Variants in ADAMTS19 observed in about 807,000 individuals in gnomAD.
ADAMTS19 encodes the protein ADAM metallopeptidase with thrombospondin type 1 motif 19.
In ADAMTS19, 93 loss-of-function variants were observed where a neutral mutation model predicts 153.3. That is an observed-to-expected ratio of 0.61 (90% CI 0.51 to 0.72). The LOEUF (loss-of-function observed/expected upper bound fraction) is 0.72. Among genes scored for constraint, ADAMTS19 ranks in the 30% least tolerant of loss-of-function variants. ADAMTS19 has a pLI of 0.00. For missense variants in ADAMTS19, 1,482 were observed against 1,552.1 expected (o/e 0.95, Z 0.76); for synonymous variants, 600 against 556.6 (o/e 1.08, Z -1.10).
rs569926298 is a variant in ADAMTS19 at position 129,535,369 on chromosome 5, T to G, written c.1328+6692T>G. Among the ~76,000 whole-genome samples, 694 of 152,250 alleles carry G rather than the reference T, an allele frequency of 4.6e-3. 7 individuals are homozygous for G. The highest frequency in any genetic ancestry group is 0.016 in the African/African-American group (647 of 41,544). On this transcript the variant is annotated intron_variant, in intron 6 of 22. Coordinates refer to ENST00000274487, the MANE Select transcript of ADAMTS19 (RefSeq NM_133638.6). ...CAACTTACAAGGGGTGTGAAGGACC[T>G]CTTCAAGGAGAACTACAAACCACTG... is the stretch of plus-strand genomic sequence containing the variant.
intron 2 of ADAMTS19, among the ~76,000 whole-genome samples, chr5:129,483,811 A>G (rs1750499357): frequency 6.6e-6 from 1 of 152,168 alleles, no homozygotes; most frequent in Non-Finnish European, 1.5e-5. Context: ...AAATAACAAT[A>G]ATTTCATAAT....
intron 18 of ADAMTS19, among the ~76,000 whole-genome samples, chr5:129,685,225 A>G (rs1407218650): frequency 6.6e-6 from 1 of 152,114 alleles, no homozygotes; most frequent in East Asian, 1.9e-4. Context: ...AAAAATATCC[A>G]TATATTCTTT....
At chr5:129,645,141 C>T (rs1211438220) in intron 11 of ADAMTS19, among the ~76,000 whole-genome samples, 1 of 152,020 alleles carries the variant, frequency 6.6e-6, no homozygotes, top group African/African-American at 2.4e-5. Flanking sequence ...ATGCACTGTC[C>T]CCAGGTGGTC....
intron 15 of ADAMTS19, among the ~76,000 whole-genome samples, chr5:129,659,181 A>G (rs1158462308): frequency 6.6e-6 from 1 of 152,040 alleles, no homozygotes; most frequent in Non-Finnish European, 1.5e-5. Context: ...ACGTTTTTGG[A>G]AACAGAGGGT....
chr5:129,633,249 G>C (rs767745912), intron 10 of ADAMTS19, among the ~76,000 whole-genome samples: 5 of 151,878 alleles, frequency 3.3e-5, no homozygotes, highest in Non-Finnish European at 7.4e-5. Context: ...TTTCTCTTGA[G>C]ATATCTTTTC....
At chr5:129,462,357 G>A (rs2112865850) in intron 2 of ADAMTS19, among the ~76,000 whole-genome samples, 1 of 152,288 alleles carries the variant, frequency 6.6e-6, no homozygotes, top group Admixed American at 6.5e-5. Context: ...GTTGAGTAAC[G>A]GGTGACATTA....
At chr5:129,535,819 C>T (rs1369189589) in intron 6 of ADAMTS19, among the ~76,000 whole-genome samples, 1 of 152,214 alleles carries the variant, frequency 6.6e-6, no homozygotes, top group African/African-American at 2.4e-5. Flanking sequence ...GGAAAGGATT[C>T]CCTATTTAAT....
rs113862040 is a variant in ADAMTS19, at chr5:129,629,094, G to T, written c.1770+6746G>T. On this transcript the variant is annotated intron_variant, in intron 10 of 22. Coordinates refer to ENST00000274487, the MANE Select transcript of ADAMTS19 (RefSeq NM_133638.6). ...ACAAAACAAATCTCCTATATGGTAAGCTCCTTAACATTAGCAGAGTTGTCA... is the reference window on the plus strand; with the variant it reads ...ACAAAACAAATCTCCTATATGGTAATCTCCTTAACATTAGCAGAGTTGTCA... 6.6e-5 allele frequency among the ~76,000 whole-genome samples: 10 copies of T among 152,162 alleles called. 1 individual carries two copies. The highest frequency in any genetic ancestry group is 2.4e-4 in the African/African-American group (10 of 41,546).
At chr5:129,463,324 T>C (rs1749750302) in intron 2 of ADAMTS19, among the ~76,000 whole-genome samples, 1 of 144,510 alleles carries the variant, frequency 6.9e-6, no homozygotes, top group Non-Finnish European at 1.5e-5. Flanking sequence ...AAAGTTAGAA[T>C]TATAAGTAGG....
chr5:129,654,177 A>G, intron 13 of ADAMTS19, 129 bp from the exon 14 acceptor site: 1 of 871,164 alleles, frequency 1.1e-6, no homozygotes, highest in Non-Finnish European at 1.7e-6. Context: ...TATCTACTCT[A>G]ACATTACATT....
In ADAMTS19 at chr5:129,694,821, A is replaced by G; in HGVS notation, c.2920A>G (p.Ile974Val). The stretch of plus-strand genomic sequence containing the variant: ...ATACTTAACCAAGCCAGAGCCACAG[A>G]TTCGAAAGTGCAATGAGCAACCATG... ...CKYLTKPEPQ[I>V]RKCNEQPCQT... The change falls in exon 19 of 23, where the codon ATT (isoleucine) becomes GTT (valine). Residue 974 changes from isoleucine to valine, a missense_variant. Physicochemically the swap from Ile to Val is conservative, Grantham distance 29. Coordinates refer to ENST00000274487, the MANE Select transcript of ADAMTS19 (RefSeq NM_133638.6). 6.3e-7 allele frequency: 1 copy of G among 1,597,792 alleles called. No homozygotes were observed. Among genetic ancestry groups the G allele is most frequent in the East Asian group, 2.3e-5 (1 of 43,724 alleles).
chr5:129,590,197 T>C (rs907862403), intron 7 of ADAMTS19, among the ~76,000 whole-genome samples: 3 of 152,186 alleles, frequency 2.0e-5, no homozygotes, highest in African/African-American at 7.2e-5. Context: ...TTTAATCAGT[T>C]ATATATCTTA....
chr5:129,703,886 T>G lies in ADAMTS19; in HGVS notation c.3160-353T>G, dbSNP rs114684538. On this transcript the variant is annotated intron_variant, in intron 20 of 22. Transcript: ENST00000274487. ...AGAGTACATCTTAGAAAAAGTAAAATGAATTTTTTTACATAATTATGTTTA... is the reference window on the plus strand; with the variant it reads ...AGAGTACATCTTAGAAAAAGTAAAAGGAATTTTTTTACATAATTATGTTTA... Among the ~76,000 whole-genome samples the G allele has an allele frequency of 7.5e-3, 1,141 of 152,288 alleles. 21 individuals are homozygous for G. The highest frequency in any genetic ancestry group is 0.026 in the African/African-American group (1,089 of 41,554).
intron 8 of ADAMTS19, among the ~76,000 whole-genome samples, chr5:129,600,311 C>T (rs1038723179): frequency 2.6e-5 from 4 of 151,948 alleles, no homozygotes; most frequent in African/African-American, 4.8e-5. Flanking sequence ...TTTTCTTTTT[C>T]GTTTTGGATT....
At chr5:129,502,839 CA>C (rs1751147127) in intron 2 of ADAMTS19, among the ~76,000 whole-genome samples, 1 of 152,152 alleles carries the variant, frequency 6.6e-6, no homozygotes, top group South Asian at 2.1e-4. Flanking sequence ...AGCACTATTC[CA>C]AAGCCTCAAG....
At chr5:129,477,761 G>T (rs1300888276) in intron 2 of ADAMTS19, among the ~76,000 whole-genome samples, 1 of 152,168 alleles carries the variant, frequency 6.6e-6, no homozygotes, top group Non-Finnish European at 1.5e-5. Flanking sequence ...TGGTCACATG[G>T]TCTTACATGT....
At chr5:129,474,350 T>C (rs1750158659) in intron 2 of ADAMTS19, among the ~76,000 whole-genome samples, 1 of 152,164 alleles carries the variant, frequency 6.6e-6, no homozygotes, top group Non-Finnish European at 1.5e-5. Context: ...TTATGAATAA[T>C]GCTACTATAG....
chr5:129,557,324 AC>A (rs1753348938), intron 7 of ADAMTS19, among the ~76,000 whole-genome samples: 1 of 152,212 alleles, frequency 6.6e-6, no homozygotes, highest in African/African-American at 2.4e-5. Flanking sequence ...ATGGCCAAGC[AC>A]AGTGGCTCCT....
At chr5:129,578,014 A>T (rs1160003898) in intron 7 of ADAMTS19, among the ~76,000 whole-genome samples, 1 of 145,296 alleles carries the variant, frequency 6.9e-6, no homozygotes, top group African/African-American at 2.6e-5. Flanking sequence ...AGCTCCCTGA[A>T]GGAATTTATT....
Sources: gnomAD v4.1 joint callset for allele counts (sites outside exome capture counted in the v4.1 genomes callset) on GRCh38, gnomAD v4.1.1 for gene constraint, MANE v1.5 for transcripts, NCBI Gene and HGNC (gene_info 2026-07-23, HGNC 2026-07-21) for gene names.